Variants in RXFP1 observed in about 807,000 individuals in gnomAD.
The protein encoded by RXFP1 is relaxin family peptide receptor 1.
Under a neutral mutation model 89.8 loss-of-function variants are expected in RXFP1, and 73 were observed. The observed-to-expected ratio is 0.81, with a 90% CI of 0.67 to 0.99. The LOEUF (loss-of-function observed/expected upper bound fraction) is 0.99. Ranked by LOEUF, RXFP1 falls within the 50% of genes least tolerant of loss-of-function variation. The pLI, the probability that RXFP1 is intolerant of heterozygous loss-of-function variation, is 0.00. For synonymous variants in RXFP1, 277 were observed against 305.5 expected (o/e 0.91, Z 0.97); for missense variants, 793 against 895.5 (o/e 0.89, Z 1.46).
At chr4:158,552,388 T>C (rs946876791) in intron 1 of RXFP1, among the ~76,000 whole-genome samples, 12 of 152,304 alleles carry the variant, frequency 7.9e-5, no homozygotes, top group Middle Eastern at 3.4e-3. Context: ...TGTTGGGAAA[T>C]ATGTGCATTT....
At chr4:158,554,456 A>G (rs1376871172) in intron 1 of RXFP1, among the ~76,000 whole-genome samples, 3 of 152,192 alleles carry the variant, frequency 2.0e-5, no homozygotes, top group African/African-American at 4.8e-5. Context: ...ACACAAGCAT[A>G]TATGTCTTTT....
intron 1 of RXFP1, among the ~76,000 whole-genome samples, chr4:158,566,259 G>A (rs949601037): frequency 6.6e-5 from 10 of 152,224 alleles, no homozygotes; most frequent in African/African-American, 2.4e-4. Flanking sequence ...AAGGGTGCTA[G>A]AGCATCAGGT....
intron 1 of RXFP1, among the ~76,000 whole-genome samples, chr4:158,562,456 G>A (rs974007010): frequency 1.2e-4 from 15 of 129,742 alleles, no homozygotes; most frequent in Non-Finnish European, 2.1e-4. Flanking sequence ...CCCGGGAGGC[G>A]GAGCTTGCAG....
At chr4:158,544,012 A>G (rs1747532450) in intron 1 of RXFP1, 1 of 985,422 alleles carries the variant, frequency 1.0e-6, no homozygotes, top group African/African-American at 1.7e-5. Context: ...TTGGGCATTT[A>G]AATATAAAGA....
At chr4:158,555,913 A>G (rs1751179353) in intron 1 of RXFP1, among the ~76,000 whole-genome samples, 1 of 152,178 alleles carries the variant, frequency 6.6e-6, no homozygotes, top group Admixed American at 6.5e-5. Flanking sequence ...CCCTCTTGCA[A>G]TATACAAAAA....
In RXFP1 at chr4:158,601,479, C is replaced by T. The variant is rs115573079; in HGVS notation, c.392+2048C>T. On this transcript the variant is annotated intron_variant, in intron 4 of 17. Coordinates refer to ENST00000307765, the MANE Select transcript of RXFP1 (RefSeq NM_021634.4). ...AATAAAGCTCAGGAGTTTATGTCTA[C>T]GGTATTTTTTATTTTTTGTTCAAAA... Among the ~76,000 whole-genome samples, 1,522 of 152,228 alleles carry T rather than the reference C, an allele frequency of 1.0e-2. 25 individuals are homozygous for T. Among genetic ancestry groups the T allele is most frequent in the African/African-American group, 0.035 (1,433 of 41,530 alleles).
intron 15 of RXFP1, 24 bp downstream of exon 15, chr4:158,645,162 G>C: frequency 6.5e-7 from 1 of 1,541,096 alleles, no homozygotes; most frequent in Non-Finnish European, 9.0e-7. Flanking sequence ...GGTTAAAGGA[G>C]AATTGTAGTT....
chr4:158,596,923 T>C (rs1217878147), intron 3 of RXFP1, among the ~76,000 whole-genome samples: 1 of 152,190 alleles, frequency 6.6e-6, no homozygotes, highest in African/African-American at 2.4e-5. Context: ...GGAAGACATT[T>C]GTCACAAGTA....
At chr4:158,548,052 T>C (rs920201048) in intron 1 of RXFP1, among the ~76,000 whole-genome samples, 4 of 152,230 alleles carry the variant, frequency 2.6e-5, no homozygotes, top group Admixed American at 2.6e-4. Context: ...CAGTGGGGTG[T>C]TAAAGTCTCC....
At chr4:158,651,464 G>C (rs1772714478) in intron 17 of RXFP1, among the ~76,000 whole-genome samples, 1 of 152,122 alleles carries the variant, frequency 6.6e-6, no homozygotes, top group Non-Finnish European at 1.5e-5. Context: ...ATCATAATAT[G>C]TAATCACTTT....
At chr4:158,549,569 C>T (rs1385177527) in intron 1 of RXFP1, among the ~76,000 whole-genome samples, 1 of 152,112 alleles carries the variant, frequency 6.6e-6, no homozygotes, top group East Asian at 1.9e-4. Context: ...GTTTTTTCCC[C>T]ATCTTTGTGG....
intron 1 of RXFP1, among the ~76,000 whole-genome samples, chr4:158,539,867 T>A (rs1331196939): frequency 6.6e-6 from 1 of 151,992 alleles, no homozygotes; most frequent in African/African-American, 2.4e-5. Context: ...GGAAAAAAAA[T>A]CACAGATTTC....
At chr4:158,589,612 C>T (rs1401269580) in intron 2 of RXFP1, among the ~76,000 whole-genome samples, 2 of 152,116 alleles carry the variant, frequency 1.3e-5, no homozygotes, top group African/African-American at 4.8e-5. Context: ...CTAACCTCAT[C>T]AGACAGGAAA....
At chr4:158,545,943 C>G (rs571736091) in intron 1 of RXFP1, among the ~76,000 whole-genome samples, 52 of 151,778 alleles carry the variant, frequency 3.4e-4, no homozygotes, top group South Asian at 2.1e-3. Context: ...GCTCTTTTTT[C>G]GTTCCATATG....
At chr4:158,606,142 A>G (rs1475178810) in intron 5 of RXFP1, among the ~76,000 whole-genome samples, 5 of 152,248 alleles carry the variant, frequency 3.3e-5, no homozygotes, top group Non-Finnish European at 7.3e-5. Context: ...CAAAACTTCA[A>G]GAGTACACTG....
intron 1 of RXFP1, among the ~76,000 whole-genome samples, chr4:158,545,679 T>C (rs1324145844): frequency 1.3e-5 from 2 of 152,194 alleles, no homozygotes; most frequent in Non-Finnish European, 2.9e-5. Context: ...GCTAGCCAGT[T>C]TTCCCAGCAC....
chr4:158,581,456 T>C (rs1757346034), intron 2 of RXFP1, among the ~76,000 whole-genome samples: 1 of 152,240 alleles, frequency 6.6e-6, no homozygotes, highest in Non-Finnish European at 1.5e-5. Context: ...CAAACAAATC[T>C]CTTATTGATA....
At chr4:158,582,322 A>G (rs138950514) in intron 2 of RXFP1, among the ~76,000 whole-genome samples, 29 of 152,286 alleles carry the variant, frequency 1.9e-4, no homozygotes, top group African/African-American at 7.0e-4. Flanking sequence ...CAAGGCAGTT[A>G]AAGGTCTGAT....
At chr4:158,528,025 C>G (rs1417676310) in intron 1 of RXFP1, among the ~76,000 whole-genome samples, 1 of 152,194 alleles carries the variant, frequency 6.6e-6, no homozygotes, top group Non-Finnish European at 1.5e-5. Flanking sequence ...AAAATCCTAG[C>G]ATCAATGATT....
Sources: allele counts gnomAD v4.1 joint callset (sites outside exome capture counted in the v4.1 genomes callset), GRCh38; gene constraint gnomAD v4.1.1; transcripts MANE v1.5; gene names NCBI Gene and HGNC (gene_info 2026-07-23, HGNC 2026-07-21).